Variants in MYO1E observed in about 807,000 individuals in gnomAD.
MYO1E encodes the protein unconventional myosin-Ie.
In MYO1E, 68 loss-of-function variants were observed where a neutral mutation model predicts 151.1. The observed-to-expected ratio is 0.45, with a 90% CI of 0.37 to 0.55. MYO1E has a LOEUF of 0.55. MYO1E is among the 20% of genes least tolerant of loss of function. The pLI, the probability that MYO1E is intolerant of heterozygous loss-of-function variation, is 0.00. For synonymous variants in MYO1E, 601 were observed against 501.7 expected, an observed-to-expected ratio of 1.20 and a Z score of -2.64; for missense variants, 1,363 against 1,389.3, an observed-to-expected ratio of 0.98 and a Z score of 0.30.
chr15:59,266,510 C>G (rs781207503), intron 2 of MYO1E, among the ~76,000 whole-genome samples: 5 of 152,158 alleles, frequency 3.3e-5, no homozygotes, highest in African/African-American at 9.7e-5. Flanking sequence ...AAACAATGCA[C>G]TGAATTTTTC....
At chr15:59,182,061 A>ACC (rs1203551515) in intron 18 of MYO1E, among the ~76,000 whole-genome samples, 1 of 151,774 alleles carries the variant, frequency 6.6e-6, no homozygotes. Flanking sequence ...CCAGAGAAAT[A>ACC]CCCCCGCCCA....
chr15:59,210,440 A>G (rs998713359), intron 13 of MYO1E, 74 bp downstream of exon 13: 31 of 1,087,198 alleles, frequency 2.9e-5, no homozygotes, highest in Non-Finnish European at 4.1e-5. Flanking sequence ...GTTCTAAAAC[A>G]ATGACACAGA....
Position 59,161,205 on chromosome 15 carries a change from T to C in MYO1E, c.2653A>G (p.Asn885Asp), listed in dbSNP as rs2079536437. The change falls in exon 24 of 28, where the codon AAC (asparagine) becomes GAC (aspartate). Residue 885 changes from asparagine to aspartate, a missense_variant. Coordinates refer to ENST00000288235, the MANE Select transcript of MYO1E (RefSeq NM_004998.4). ...CCCCCTGCACTCCAGGGGCCCCAGT[T>C]TTCCTTTTTCAACTTCAGTTCAAGC... is the stretch of plus-strand genomic sequence containing the variant. Reference protein sequence around the residue: ...NTLELKLKKENWGPWSAGGSR... With the variant: ...NTLELKLKKEDWGPWSAGGSR... 1 of 1,613,882 alleles carries C rather than the reference T, an allele frequency of 6.2e-7. No homozygotes were observed. Among genetic ancestry groups the C allele is most frequent in the Non-Finnish European group, 8.5e-7 (1 of 1,179,860 alleles).
chr15:59,143,339 C>T (rs1318168852), intron 26 of MYO1E, among the ~76,000 whole-genome samples: 2 of 152,048 alleles, frequency 1.3e-5, no homozygotes, highest in East Asian at 3.8e-4. Flanking sequence ...TGATGGCAGC[C>T]GGGAGGAGTG....
At chr15:59,355,622 T>C (rs1472026633) in intron 1 of MYO1E, among the ~76,000 whole-genome samples, 9 of 152,234 alleles carry the variant, frequency 5.9e-5, no homozygotes, top group Non-Finnish European at 1.2e-4. Flanking sequence ...ATTCAACCTG[T>C]CCTTCAAAAC....
chr15:59,190,334 A>G (rs1488123583), intron 17 of MYO1E, among the ~76,000 whole-genome samples: 1 of 152,178 alleles, frequency 6.6e-6, no homozygotes, highest in Non-Finnish European at 1.5e-5. Flanking sequence ...TAACGGGGCT[A>G]ATGCGCTCAG....
At chr15:59,281,823 T>C (rs2080354833) in intron 1 of MYO1E, among the ~76,000 whole-genome samples, 1 of 151,964 alleles carries the variant, frequency 6.6e-6, no homozygotes, top group South Asian at 2.1e-4. Context: ...TGTAAGCCGG[T>C]CGCGGTGGCT....
In MYO1E at chr15:59,304,381, G is replaced by A. The variant is rs571015559; in HGVS notation, c.4-31932C>T. Among the ~76,000 whole-genome samples, 5 of 152,300 alleles carry A rather than the reference G, an allele frequency of 3.3e-5. No individual in the cohort carries two copies. The South Asian group carries it at 8.3e-4, about 25-fold the overall frequency. Reference sequence around the variant, plus strand: ...GCTGGGTTCCTACGCTACTGTTTCAGTTGGCTTCTTTCCATCTCTTCACAA... The same window carrying A: ...GCTGGGTTCCTACGCTACTGTTTCAATTGGCTTCTTTCCATCTCTTCACAA... On this transcript the variant is annotated intron_variant, in intron 1 of 27. Transcript: ENST00000288235.
At chr15:59,205,940 C>T (rs1319479533) in intron 14 of MYO1E, among the ~76,000 whole-genome samples, 1 of 152,174 alleles carries the variant, frequency 6.6e-6, no homozygotes, top group Non-Finnish European at 1.5e-5. Context: ...TGCAGTTTCT[C>T]CCAGAAGTGG....
intron 1 of MYO1E, among the ~76,000 whole-genome samples, chr15:59,333,817 C>G (rs1166083937): frequency 3.9e-5 from 6 of 152,186 alleles, no homozygotes; most frequent in African/African-American, 1.4e-4. Context: ...TGAGCTTCCA[C>G]TATGCATCTA....
intron 1 of MYO1E, among the ~76,000 whole-genome samples, chr15:59,303,839 T>G (rs2140405476): frequency 6.6e-6 from 1 of 152,278 alleles, no homozygotes; most frequent in Middle Eastern, 3.4e-3. Context: ...GACTCTCTTC[T>G]GATAAAATTA....
intron 22 of MYO1E, among the ~76,000 whole-genome samples, chr15:59,169,610 C>T (rs2079580451): frequency 6.6e-6 from 1 of 152,064 alleles, no homozygotes. Context: ...CTAAGTACCT[C>T]ATTTTACTAC....
chr15:59,142,987 C>T (rs2079419986), intron 26 of MYO1E, among the ~76,000 whole-genome samples: 1 of 147,756 alleles, frequency 6.8e-6, no homozygotes, highest in Non-Finnish European at 1.5e-5. Flanking sequence ...TCTCATGGAA[C>T]GGATTCTTTC....
At chr15:59,369,075 A>G (rs918988168) in intron 1 of MYO1E, among the ~76,000 whole-genome samples, 1 of 152,230 alleles carries the variant, frequency 6.6e-6, no homozygotes, top group South Asian at 2.1e-4. Context: ...GACTACTAGC[A>G]ATCTGATAAA....
intron 1 of MYO1E, among the ~76,000 whole-genome samples, chr15:59,330,523 G>C (rs1399687107): frequency 1.3e-5 from 2 of 152,210 alleles, no homozygotes; most frequent in Non-Finnish European, 2.9e-5. Context: ...TTTTGCCTAA[G>C]TCAATCTATA....
In MYO1E at chr15:59,318,890, T is replaced by C. The variant is rs1290445485; in HGVS notation, c.4-46441A>G. Among the ~76,000 whole-genome samples, 3 of 152,076 alleles carry C rather than the reference T, an allele frequency of 2.0e-5. No homozygotes were observed. In the East Asian group the frequency reaches 5.8e-4, roughly 29 times the overall value. ...GGACTTGAACCCAGGTCTATCTGAC[T>C]TCCTGTCTTATAGAAACTGGGCATT... On this transcript the variant is annotated intron_variant, in intron 1 of 27. Transcript: ENST00000288235.
intron 22 of MYO1E, among the ~76,000 whole-genome samples, chr15:59,166,287 A>T (rs1428443781): frequency 6.6e-6 from 1 of 152,198 alleles, no homozygotes; most frequent in Admixed American, 6.5e-5. Context: ...TATTTATTCT[A>T]AAAAGTCAGA....
intron 16 of MYO1E, among the ~76,000 whole-genome samples, chr15:59,199,725 G>A (rs1047029776): frequency 6.6e-6 from 1 of 152,034 alleles, no homozygotes; most frequent in Non-Finnish European, 1.5e-5. Context: ...ATAACACTAC[G>A]ATGACCTTGA....
intron 4 of MYO1E, among the ~76,000 whole-genome samples, chr15:59,254,666 A>G (rs1232053589): frequency 7.9e-6 from 1 of 125,834 alleles, no homozygotes; most frequent in Non-Finnish European, 1.9e-5. Context: ...GTAATTATCC[A>G]CAATAAAAGG....
Sources: gnomAD v4.1 joint callset for allele counts (sites outside exome capture counted in the v4.1 genomes callset) on GRCh38, gnomAD v4.1.1 for gene constraint, MANE v1.5 for transcripts, NCBI Gene and HGNC (gene_info 2026-07-23, HGNC 2026-07-21) for gene names.